Variants in WDR49 observed in about 807,000 individuals in gnomAD.
WDR49 encodes WD repeat domain 49, also known as cilia- and flagella-associated protein 337.
A neutral mutation model predicts 119.5 loss-of-function variants in WDR49; 107 were observed. That is an observed-to-expected ratio of 0.90 (90% CI 0.77 to 1.05). The LOEUF is 1.05. Ranked by LOEUF, WDR49 falls within the 50% of genes least tolerant of loss-of-function variation. The pLI, the probability that WDR49 is intolerant of heterozygous loss-of-function variation, is 0.00. For missense variants in WDR49, 1,240 were observed against 1,220.5 expected, an observed-to-expected ratio of 1.02 and a Z score of -0.24; for synonymous variants, 425 against 418.8, an observed-to-expected ratio of 1.01 and a Z score of -0.18.
intron 16 of WDR49, among the ~76,000 whole-genome samples, chr3:167,516,034 A>G (rs1752185867): frequency 6.6e-6 from 1 of 152,212 alleles, no homozygotes; most frequent in Non-Finnish European, 1.5e-5. Flanking sequence ...GAAAGAATCA[A>G]TATCATGAAA....
intron 5 of WDR49, among the ~76,000 whole-genome samples, chr3:167,606,557 A>G (rs530657423): frequency 6.6e-6 from 1 of 152,332 alleles, no homozygotes; most frequent in Non-Finnish European, 1.5e-5. Flanking sequence ...TGATACTGGC[A>G]TATTGCTAAT....
chr3:167,638,341 T>C (rs976667128), intron 2 of WDR49, among the ~76,000 whole-genome samples: 10 of 151,614 alleles, frequency 6.6e-5, no homozygotes, highest in African/African-American at 2.2e-4. Flanking sequence ...AAAATTGATA[T>C]TTCTTTTGTC....
chr3:167,605,725 C>T (rs1379784724), intron 5 of WDR49, among the ~76,000 whole-genome samples: 4 of 152,286 alleles, frequency 2.6e-5, no homozygotes, highest in Middle Eastern at 3.4e-3. Context: ...TGACAAATCA[C>T]CTGTGTGGGA....
chr3:167,531,474 T>C (rs1271531823), intron 12 of WDR49, among the ~76,000 whole-genome samples, 195 bp from the exon 13 acceptor site: 3 of 152,178 alleles, frequency 2.0e-5, no homozygotes, highest in African/African-American at 7.2e-5. Context: ...ACATTATTTT[T>C]GTTTTTCATG....
chr3:167,481,688 T>C (rs1378958894), intron 18 of WDR49, among the ~76,000 whole-genome samples: 5 of 152,210 alleles, frequency 3.3e-5, no homozygotes, highest in Non-Finnish European at 7.4e-5. Context: ...CTCAGAATCA[T>C]GGCAGAAGGC....
At chr3:167,497,567 A>G (rs1577198151) in intron 18 of WDR49, among the ~76,000 whole-genome samples, 1 of 152,114 alleles carries the variant, frequency 6.6e-6, no homozygotes, top group Non-Finnish European at 1.5e-5. Flanking sequence ...TCCTTCTGCC[A>G]CAGATTATAT....
chr3:167,534,178 G>C (rs1471593755), intron 11 of WDR49, among the ~76,000 whole-genome samples: 1 of 152,008 alleles, frequency 6.6e-6, no homozygotes, highest in East Asian at 1.9e-4. Context: ...CTGGGCGACA[G>C]AGTGAGACTC....
At chr3:167,605,952 A>G (rs530694254) in intron 5 of WDR49, among the ~76,000 whole-genome samples, 1 of 152,328 alleles carries the variant, frequency 6.6e-6, no homozygotes, top group African/African-American at 2.4e-5. Flanking sequence ...TGGTAGAGCC[A>G]GAGTACAAAT....
At chr3:167,656,694 A>T (rs1718613417), upstream of WDR49, among the ~76,000 whole-genome samples, 1 of 152,238 alleles carries the variant, frequency 6.6e-6, no homozygotes, top group Non-Finnish European at 1.5e-5. Flanking sequence ...TTGATCATAA[A>T]GGCTTAAATG....
chr3:167,655,708 G>T (rs1718581842), upstream of WDR49, among the ~76,000 whole-genome samples: 1 of 152,086 alleles, frequency 6.6e-6, no homozygotes, highest in South Asian at 2.1e-4. Flanking sequence ...GACCAGCCTG[G>T]CCAACATGGA....
intron 2 of WDR49, among the ~76,000 whole-genome samples, chr3:167,644,447 AT>A: frequency 6.6e-6 from 1 of 152,170 alleles, no homozygotes. Flanking sequence ...TTAGAATATG[AT>A]TATGCATTAT....
At chr3:167,605,876 G>T (rs1481159798) in intron 5 of WDR49, among the ~76,000 whole-genome samples, 3 of 152,164 alleles carry the variant, frequency 2.0e-5, no homozygotes, top group African/African-American at 7.2e-5. Context: ...GAAGTTCTGA[G>T]ATTAACTCTT....
chr3:167,502,706 A>T (rs1751620745), intron 17 of WDR49, among the ~76,000 whole-genome samples: 1 of 152,190 alleles, frequency 6.6e-6, no homozygotes, highest in African/African-American at 2.4e-5. Flanking sequence ...GTGATAATTT[A>T]GGGTATCTAG....
chr3:167,479,062 G>T, intron 18 of WDR49, 66 bp from the exon 19 acceptor site: 1 of 1,195,954 alleles, frequency 8.4e-7, no homozygotes, highest in Non-Finnish European at 1.2e-6. Context: ...AAATGAAATA[G>T]TGGGGAGAAA....
chr3:167,573,875 C>A (rs548183258), intron 8 of WDR49, among the ~76,000 whole-genome samples: 2 of 152,164 alleles, frequency 1.3e-5, no homozygotes, highest in Non-Finnish European at 2.9e-5. Flanking sequence ...CCAAAATAAA[C>A]CCTCTCTCCA....
intron 7 of WDR49, among the ~76,000 whole-genome samples, chr3:167,584,714 G>A (rs1394967040): frequency 2.7e-5 from 4 of 150,854 alleles, no homozygotes; most frequent in Non-Finnish European, 5.9e-5. Context: ...ATAACCTTAG[G>A]CAACCATTTG....
chr3:167,655,759 A>G (rs112286356), upstream of WDR49, among the ~76,000 whole-genome samples: 2,360 of 152,166 alleles, frequency 0.016, 20 homozygotes, highest in South Asian at 0.026. Context: ...TTAGCTGGGC[A>G]TGGTGGCAGG....
intron 18 of WDR49, among the ~76,000 whole-genome samples, chr3:167,496,937 A>AAG (rs1751378119): frequency 6.6e-6 from 1 of 152,138 alleles, no homozygotes; most frequent in African/African-American, 2.4e-5. Flanking sequence ...TGTAAAACTC[A>AAG]GTTAATGTCT....
chr3:167,615,177 G>A (rs898810716), intron 5 of WDR49, among the ~76,000 whole-genome samples: 2 of 152,096 alleles, frequency 1.3e-5, no homozygotes, highest in Admixed American at 1.3e-4. Flanking sequence ...CCTTTCAGAG[G>A]TACTTGAGGA....
Sources: allele counts gnomAD v4.1 joint callset (sites outside exome capture counted in the v4.1 genomes callset), GRCh38; gene constraint gnomAD v4.1.1; transcripts MANE v1.5; gene names NCBI Gene and HGNC (gene_info 2026-07-23, HGNC 2026-07-21).